Variants in C6orf118 observed in about 807,000 individuals in gnomAD.
C6orf118 encodes the protein uncharacterized protein C6orf118.
C6orf118 carries 50 observed loss-of-function variants against 50.2 expected under a neutral mutation model. The ratio of observed to expected loss-of-function variants is 1.00; its 90% CI spans 0.79 to 1.26. The LOEUF is 1.26. Ranked by LOEUF, C6orf118 falls within the 50% of genes most tolerant of loss-of-function variation. C6orf118 has a pLI of 0.00. For synonymous variants in C6orf118, 239 were observed against 230.9 expected (o/e 1.03, Z -0.32); for missense variants, 641 against 578.7 (o/e 1.11, Z -1.10).
rs149458250 is a variant in C6orf118 at position 165,299,446 on chromosome 6, G to A, written c.933C>T (p.Tyr311=). The A allele has an allele frequency of 8.1e-5, 130 of 1,613,786 alleles. 1 individual carries two copies. The highest frequency in any genetic ancestry group is 6.0e-4 in the South Asian group (55 of 91,048). ...TLLESQPAAQ[Y]EALLAQLKAL... is the part of the protein sequence containing the mutation. ...GCTCTTTGTGATCGATCGTCACCTC[G>A]TACTGTGCTGCAGGCTGGGACTCCA... is the stretch of plus-strand genomic sequence containing the variant. Residue 311 remains tyrosine (Y), a synonymous_variant, in exon 4 of 9, where the codon TAC becomes TAT. Transcript: ENST00000230301.
At chr6:165,287,230 A>G (rs552328490) in intron 7 of C6orf118, among the ~76,000 whole-genome samples, 1 of 152,324 alleles carries the variant, frequency 6.6e-6, no homozygotes, top group South Asian at 2.1e-4. Flanking sequence ...AAGAGAAGTG[A>G]AATACCTCTT....
chr6:165,302,403 G>A (rs1780592765), intron 1 of C6orf118, 107 bp from the exon 2 acceptor site: 3 of 1,350,374 alleles, frequency 2.2e-6, no homozygotes, highest in Non-Finnish European at 2.0e-6. Context: ...GAGGGTCTAT[G>A]GAGAAACAGA....
At chr6:165,297,664 G>T (rs572308704) in intron 5 of C6orf118, among the ~76,000 whole-genome samples, 2 of 152,168 alleles carry the variant, frequency 1.3e-5, no homozygotes, top group East Asian at 3.9e-4. Flanking sequence ...AACAATAGGG[G>T]CATTCATATA....
chr6:165,283,183 G>A (rs1026710879), intron 7 of C6orf118, among the ~76,000 whole-genome samples: 6 of 152,092 alleles, frequency 3.9e-5, no homozygotes, highest in South Asian at 2.1e-4. Flanking sequence ...GGGTTGGCAC[G>A]ACCCACAGAG....
chr6:165,300,464 C>T lies in C6orf118; in HGVS notation c.776G>A (p.Cys259Tyr), dbSNP rs769574298. 1.9e-5 allele frequency: 31 copies of T among 1,612,050 alleles called. No individual in the cohort carries two copies. In the Admixed American group the frequency reaches 2.8e-4, roughly 15 times the overall value. Reference protein sequence around the residue: ...LQQELQKICTCSPQQFNRLHV... With the variant: ...LQQELQKICTYSPQQFNRLHV... ...CAGTCTGTTGAACTGCTGGGGGCTG[C>T]ACGTGCAAATTTTCTGGAGCTCCTG... The change falls in exon 3 of 9, where the codon TGC becomes TAC. Residue 259 changes from cysteine (C) to tyrosine (Y), a missense_variant. Physicochemically the swap from Cys to Tyr is radical, Grantham distance 194 (BLOSUM62 -2). Transcript: ENST00000230301.
intron 7 of C6orf118, among the ~76,000 whole-genome samples, chr6:165,284,124 A>G (rs1291148343): frequency 1.3e-5 from 2 of 152,204 alleles, no homozygotes; most frequent in African/African-American, 4.8e-5. Flanking sequence ...CAGTTTAGAG[A>G]GAAATATAAA....
rs149637046 is a variant in C6orf118 at position 165,302,014 on chromosome 6, G to A, written c.308C>T (p.Ala103Val). The change falls in exon 2 of 9, where the codon GCG (alanine) becomes GTG (valine). Residue 103 changes from alanine (A) to valine (V), a missense_variant. Transcript: ENST00000230301. Reference protein sequence around the residue: ...EVGEPPAGKVARMKEALAHFT... With the variant: ...EVGEPPAGKVVRMKEALAHFT... ...GTGGGCCAGGGCCTCCTTCATCCTC[G>A]CCACCTTCCCTGCGGGCGGCTCTCC... 1.4e-4 allele frequency: 220 copies of A among 1,613,368 alleles called. 1 individual carries two copies. The African/African-American group carries it at 2.3e-3, about 17-fold the overall frequency.
At chr6:165,281,731 T>C in intron 7 of C6orf118, 38 bp from the exon 8 acceptor site, 1 of 1,272,704 alleles carries the variant, frequency 7.9e-7, no homozygotes, top group East Asian at 2.8e-5. Context: ...TATACTTGGT[T>C]AAAAATATTT....
At position 165,289,882 on chromosome 6, in the gene C6orf118, G is replaced by A. The variant is rs182643871; in HGVS notation, c.1302+4C>T. ...GTAAATATTTAAATAAATAAGTTGC[G>A]TACCTCTATGCTTTTAATCCTATTC... On this transcript the variant is annotated splice_donor_region_variant and intron_variant, in intron 7 of 8. Coordinates refer to ENST00000230301, the MANE Select transcript of C6orf118 (RefSeq NM_144980.4). The A allele has an allele frequency of 4.4e-3, 6,834 of 1,555,394 alleles. 13 individuals are homozygous for A. Among genetic ancestry groups the A allele is most frequent in the Admixed American group, 7.5e-3 (374 of 49,590 alleles).
chr6:165,280,786 T>C (rs913196662), intron 8 of C6orf118, among the ~76,000 whole-genome samples: 2 of 152,168 alleles, frequency 1.3e-5, no homozygotes, highest in African/African-American at 4.8e-5. Context: ...GGCAGCCATA[T>C]TGAGACCCCG....
At chr6:165,293,339 C>CCACAAA in intron 6 of C6orf118, 74 bp downstream of exon 6, 1 of 1,357,522 alleles carries the variant, frequency 7.4e-7, no homozygotes, top group Non-Finnish European at 1.1e-6. Flanking sequence ...AGACAGGCAG[C>CCACAAA]CACACTGCAG....
At chr6:165,308,076 C>T (rs1780811738) in intron 1 of C6orf118, among the ~76,000 whole-genome samples, 1 of 152,168 alleles carries the variant, frequency 6.6e-6, no homozygotes. Flanking sequence ...AGATGCAGAC[C>T]CAGGGCCACA....
At chr6:165,297,401 T>TAAA (rs762133971) in intron 5 of C6orf118, among the ~76,000 whole-genome samples, 6 of 124,326 alleles carry the variant, frequency 4.8e-5, no homozygotes, top group African/African-American at 1.2e-4. Context: ...AAGTCTCCAT[T>TAAA]AAAAAAAAAA....
chr6:165,281,178 A>C (rs1028806645), intron 8 of C6orf118, among the ~76,000 whole-genome samples: 1 of 152,210 alleles, frequency 6.6e-6, no homozygotes, highest in African/African-American at 2.4e-5. Context: ...AAGCCATATA[A>C]TTGGAGAAAA....
chr6:165,297,851 A>G (rs1322904533), intron 5 of C6orf118, 126 bp downstream of exon 5: 1 of 1,365,000 alleles, frequency 7.3e-7, no homozygotes. Context: ...GACAGGCATG[A>G]TATTAGCAAA....
At chr6:165,295,934 C>G (rs1780280475) in intron 5 of C6orf118, among the ~76,000 whole-genome samples, 1 of 149,024 alleles carries the variant, frequency 6.7e-6, no homozygotes, top group South Asian at 2.2e-4. Flanking sequence ...ACCCCCACCA[C>G]CACACCCCTG....
At chr6:165,298,624 C>T (rs755787313) in intron 4 of C6orf118, among the ~76,000 whole-genome samples, 4 of 152,130 alleles carry the variant, frequency 2.6e-5, no homozygotes, top group African/African-American at 4.8e-5. Flanking sequence ...CACATTTGAC[C>T]GAGATAGGGA....
intron 4 of C6orf118, 29 bp downstream of exon 4, chr6:165,299,414 T>C (rs1383120958): frequency 1.2e-6 from 2 of 1,607,860 alleles, no homozygotes; most frequent in South Asian, 1.1e-5. Context: ...AAGCAGGCTC[T>C]ATTCAGGCTC....
chr6:165,288,210 G>T (rs1382790218), intron 7 of C6orf118, among the ~76,000 whole-genome samples: 2 of 152,184 alleles, frequency 1.3e-5, no homozygotes, highest in African/African-American at 2.4e-5. Context: ...TCAGAGAAAT[G>T]CAAATCAAAA....
Sources: allele counts gnomAD v4.1 joint callset (sites outside exome capture counted in the v4.1 genomes callset), GRCh38; gene constraint gnomAD v4.1.1; transcripts MANE v1.5; gene names NCBI Gene and HGNC (gene_info 2026-07-23, HGNC 2026-07-21).